Variants in RPRD1A observed in about 807,000 individuals in gnomAD.
RPRD1A encodes regulation of nuclear pre-mRNA domain-containing protein 1A.
A neutral mutation model predicts 37.8 loss-of-function variants in RPRD1A; 9 were observed. The observed-to-expected ratio is 0.24, with a 90% CI of 0.14 to 0.42. The LOEUF (loss-of-function observed/expected upper bound fraction) is 0.42, where lower values mean the gene tolerates loss of function less well. Among genes scored for constraint, RPRD1A ranks in the 10% least tolerant of loss-of-function variants. The pLI, the probability that RPRD1A is intolerant of heterozygous loss-of-function variation, is 1.00. For missense variants in RPRD1A, 255 were observed against 371.0 expected (o/e 0.69, Z 2.57); for synonymous variants, 138 against 139.7 (o/e 0.99, Z 0.08).
intron 6 of RPRD1A, among the ~76,000 whole-genome samples, chr18:36,010,087 GTTAT>G (rs374614415): frequency 1.4e-5 from 2 of 146,406 alleles, no homozygotes; most frequent in Non-Finnish European, 2.9e-5. Context: ...TGATATGTTA[GTTAT>G]TTAATATAAG....
At chr18:36,016,382 C>A (rs1404933922) in intron 6 of RPRD1A, among the ~76,000 whole-genome samples, 1 of 152,090 alleles carries the variant, frequency 6.6e-6, no homozygotes, top group African/African-American at 2.4e-5. Flanking sequence ...GCCACTACAC[C>A]CAGCTAATTT....
intron 1 of RPRD1A, among the ~76,000 whole-genome samples, chr18:36,066,209 C>T (rs758836756): frequency 8.5e-5 from 13 of 152,192 alleles, no homozygotes; most frequent in Non-Finnish European, 1.8e-4. Context: ...GTGACGTTTT[C>T]ATAACCACAA....
At chr18:36,056,417 A>G (rs1010258122) in intron 1 of RPRD1A, among the ~76,000 whole-genome samples, 1 of 151,960 alleles carries the variant, frequency 6.6e-6, no homozygotes, top group African/African-American at 2.4e-5. Context: ...CCTCCCAAGT[A>G]GCTGGGATTA....
intron 1 of RPRD1A, among the ~76,000 whole-genome samples, chr18:36,035,446 G>C (rs1568136559): frequency 6.6e-6 from 1 of 152,116 alleles, no homozygotes. Context: ...TTTGCCCTCA[G>C]GGAAATAATG....
intron 1 of RPRD1A, among the ~76,000 whole-genome samples, chr18:36,052,556 C>G (rs1214768186): frequency 1.3e-5 from 2 of 151,936 alleles, no homozygotes; most frequent in Non-Finnish European, 2.9e-5. Context: ...TATAGAAGAA[C>G]AGAGTTTTTG....
chr18:36,012,846 T>C (rs909705951), intron 6 of RPRD1A, among the ~76,000 whole-genome samples: 4 of 152,232 alleles, frequency 2.6e-5, no homozygotes, highest in Non-Finnish European at 4.4e-5. Flanking sequence ...TAATGTTTAT[T>C]AGTAGGCTAA....
chr18:36,017,547 A>G (rs149658793), intron 6 of RPRD1A, among the ~76,000 whole-genome samples: 1 of 152,292 alleles, frequency 6.6e-6, no homozygotes, highest in Non-Finnish European at 1.5e-5. Flanking sequence ...GCTCCAAACT[A>G]CTTTTCAATC....
At chr18:36,004,972 T>G (rs979235159) in intron 6 of RPRD1A, among the ~76,000 whole-genome samples, 1 of 151,926 alleles carries the variant, frequency 6.6e-6, no homozygotes, top group African/African-American at 2.4e-5. Context: ...CTATGTTAAG[T>G]TGAAGAAACT....
At chr18:36,060,029 G>C (rs2088874078) in intron 1 of RPRD1A, among the ~76,000 whole-genome samples, 1 of 152,146 alleles carries the variant, frequency 6.6e-6, no homozygotes, top group Non-Finnish European at 1.5e-5. Flanking sequence ...CTCTGAAAGA[G>C]AAACAAGTAA....
rs143931734 is a variant in RPRD1A, at chr18:36,045,094, G to A, written c.152-11257C>T. ...GTCTCTACTAAAAATACAGAAATTA[G>A]CCAGACGTGGTGGTGCATGCCTGTA... is the stretch of plus-strand genomic sequence containing the variant. On this transcript the variant is annotated intron_variant, in intron 1 of 6. Transcript: ENST00000399022. 9.8e-3 allele frequency among the ~76,000 whole-genome samples: 1,493 copies of A among 152,098 alleles called. 25 individuals are homozygous for A. The highest frequency in any genetic ancestry group is 0.034 in the African/African-American group (1,418 of 41,502).
chr18:36,038,018 G>A (rs1467623990), intron 1 of RPRD1A, among the ~76,000 whole-genome samples: 5 of 152,168 alleles, frequency 3.3e-5, no homozygotes, highest in Admixed American at 2.0e-4. Flanking sequence ...TGGAACTTAT[G>A]TTTAAAAGAG....
intron 1 of RPRD1A, chr18:36,053,009 G>A (rs1035633894): frequency 6.6e-6 from 1 of 152,232 alleles, no homozygotes; most frequent in African/African-American, 2.4e-5. Flanking sequence ...GGGATGATTG[G>A]TGGGTGAACA....
intron 1 of RPRD1A, among the ~76,000 whole-genome samples, chr18:36,042,747 T>TC (rs1207089952): frequency 6.6e-6 from 1 of 152,170 alleles, no homozygotes; most frequent in Non-Finnish European, 1.5e-5. Flanking sequence ...TTCAACCTAC[T>TC]AGAGTGACCA....
Position 35,991,858 on chromosome 18 carries a change from A to T in RPRD1A, c.*1293T>A, listed in dbSNP as rs1471989710. ...TAGAGAGACATAATTGGCTTGTGGG[A>T]TTTTCAAGATGTTTTATTGACTATC... is the stretch of plus-strand genomic sequence containing the variant. On this transcript the variant is annotated 3_prime_UTR_variant, in exon 7 of 7. Coordinates refer to ENST00000399022, the MANE Select transcript of RPRD1A (RefSeq NM_018170.5). The T allele has an allele frequency of 6.6e-6, 1 of 152,222 alleles. No homozygotes were observed. Among genetic ancestry groups the T allele is most frequent in the Non-Finnish European group, 1.5e-5 (1 of 68,026 alleles). The allele number at this position is 152,222 out of a possible 1,614,324, so 9.4% of individuals were successfully genotyped here. A position where few individuals can be genotyped will look rare whatever the true frequency, so the allele number is the denominator to read the frequency against.
chr18:35,994,929 A>G (rs2144134858), intron 6 of RPRD1A, among the ~76,000 whole-genome samples: 1 of 152,210 alleles, frequency 6.6e-6, no homozygotes, highest in East Asian at 1.9e-4. Flanking sequence ...CCATCATACC[A>G]CACTACCCCC....
intron 1 of RPRD1A, among the ~76,000 whole-genome samples, chr18:36,059,616 C>T (rs2088865806): frequency 6.6e-6 from 1 of 152,156 alleles, no homozygotes; most frequent in Middle Eastern, 3.4e-3. Flanking sequence ...TAAAGAGATC[C>T]TCAAACCAGA....
rs761667966 is a variant in RPRD1A at position 36,018,272 on chromosome 18, A to AT, written c.789+8627_789+8628insA. Among the ~76,000 whole-genome samples the AT allele has an allele frequency of 4.0e-3, 320 of 80,116 alleles. 1 individual carries two copies. The highest frequency in any genetic ancestry group is 0.024 in the Middle Eastern group (4 of 166). 52.6% of individuals were successfully genotyped at this position (80,116 alleles called of 152,430 possible). A position where few individuals can be genotyped will look rare whatever the true frequency, so the allele number is the denominator to read the frequency against. On this transcript the variant is annotated intron_variant, in intron 6 of 6. Transcript: ENST00000399022. ...TAAATATATACCTCTTCCAAGTTACACTTTTTTTTTTTTTTTTTAAAGAAG... is the reference window on the plus strand; with the variant it reads ...TAAATATATACCTCTTCCAAGTTACATCTTTTTTTTTTTTTTTTTAAAGAAG...
At position 36,026,704 on chromosome 18, in the gene RPRD1A, TCTAA is replaced by T. The variant is rs925398495; in HGVS notation, c.789+192_789+195del. The T allele has an allele frequency of 1.4e-5, 6 of 440,938 alleles. No homozygotes were observed. In the South Asian group the frequency reaches 3.7e-4, roughly 27 times the overall value. The allele number at this position is 440,938 out of a possible 1,614,324, so 27.3% of individuals were successfully genotyped here. On this transcript the variant is annotated intron_variant, in intron 6 of 6. Transcript: ENST00000399022. ...CAATCAATTTTGCTAATTCCAAATTTCTAAGTTTACTTGCAAGATTAATTTGGTT... is the reference window on the plus strand; with the variant it reads ...CAATCAATTTTGCTAATTCCAAATTTGTTTACTTGCAAGATTAATTTGGTT...
intron 1 of RPRD1A, among the ~76,000 whole-genome samples, chr18:36,049,044 G>A (rs908001090): frequency 6.6e-6 from 1 of 152,198 alleles, no homozygotes; most frequent in African/African-American, 2.4e-5. Context: ...TGTGATTACA[G>A]GCATGCGCCA....
Sources: allele counts gnomAD v4.1 joint callset (sites outside exome capture counted in the v4.1 genomes callset), GRCh38; gene constraint gnomAD v4.1.1; transcripts MANE v1.5; gene names NCBI Gene and HGNC (gene_info 2026-07-23, HGNC 2026-07-21).